The following MARK4 variants were observed in gnomAD, a reference collection of about 807,000 sequenced individuals.
MARK4 encodes the protein microtubule affinity regulating kinase 4, also known as MAP/microtubule affinity-regulating kinase 4.
A neutral mutation model predicts 81.5 loss-of-function variants in MARK4; 19 were observed. That is an observed-to-expected ratio of 0.23 (90% CI 0.16 to 0.34). The LOEUF (loss-of-function observed/expected upper bound fraction) is 0.34. Ranked by LOEUF, MARK4 falls within the 10% of genes least tolerant of loss-of-function variation. The probability of loss-of-function intolerance (pLI) is 1.00; values close to 1 mark genes in which losing one functional copy is unlikely to be tolerated. For synonymous variants in MARK4, 436 were observed against 439.0 expected, an observed-to-expected ratio of 0.99 and a Z score of 0.08; for missense variants, 772 against 1,058.8, an observed-to-expected ratio of 0.73 and a Z score of 3.76.
rs547873369 is a variant in MARK4, at chr19:45,271,186, G to A, written c.550-286G>A. 3.3e-5 allele frequency among the ~76,000 whole-genome samples: 5 copies of A among 152,314 alleles called. No homozygotes were observed. Among genetic ancestry groups the A allele is most frequent in the African/African-American group, 9.6e-5 (4 of 41,564 alleles). ...CTCCCAAAGTGCTGGTATTATAGGC[G>A]TGAGCCACTATGTCTGGCCTGTGCT... On this transcript the variant is annotated intron_variant, in intron 7 of 16. Coordinates refer to ENST00000262891, the MANE Select transcript of MARK4 (RefSeq NM_001199867.2). The surrounding 1 kb of genome is among the most constrained non-coding windows in gnomAD (Gnocchi z 4.1).
At chr19:45,283,306 G>A (rs1170876686) in intron 12 of MARK4, among the ~76,000 whole-genome samples, 1 of 150,220 alleles carries the variant, frequency 6.7e-6, no homozygotes, top group Non-Finnish European at 1.5e-5. Context: ...CTACTCAGGA[G>A]TCTGAGGCAG....
At chr19:45,299,060 T>G (rs1464306259) in intron 15 of MARK4, among the ~76,000 whole-genome samples, 1 of 89,558 alleles carries the variant, frequency 1.1e-5, no homozygotes. Context: ...GGAGAACCTG[T>G]CTCTAAAAAA....
At chr19:45,278,944 C>T (rs1031368220) in intron 10 of MARK4, among the ~76,000 whole-genome samples, 2 of 151,970 alleles carry the variant, frequency 1.3e-5, no homozygotes, top group African/African-American at 4.8e-5. Context: ...AGAGACCAGG[C>T]GAGGTGGTTC....
rs751813685 is a variant in MARK4, at chr19:45,278,637, C to T, written c.1006+22C>T. The T allele has an allele frequency of 8.9e-6, 14 of 1,576,900 alleles. No individual in the cohort carries two copies. The African/African-American group carries it at 1.6e-4, about 18-fold the overall frequency. Reference sequence around the variant, plus strand: ...ATTGGTGAGGGTCAGGGAGAGCCATCCTGTCACCCAGGATGGAGTGCAGTG... The same window carrying T: ...ATTGGTGAGGGTCAGGGAGAGCCATTCTGTCACCCAGGATGGAGTGCAGTG... On this transcript the variant is annotated intron_variant, in intron 10 of 16. Transcript: ENST00000262891.
At chr19:45,258,935 C>T (rs1204831267) in intron 1 of MARK4, 54 bp from the exon 2 acceptor site, 14 of 1,578,390 alleles carry the variant, frequency 8.9e-6, no homozygotes, top group African/African-American at 4.0e-5. Flanking sequence ...CACTAGCCCA[C>T]GGGTTCCACG....
chr19:45,278,662 G>C (rs770803189), intron 10 of MARK4, 47 bp downstream of exon 10: 7 of 1,431,612 alleles, frequency 4.9e-6, no homozygotes, highest in Non-Finnish European at 6.9e-6. Context: ...GGAGTGCAGT[G>C]GTGCAATCTC....
Position 45,263,179 on chromosome 19 carries a change from A to T in MARK4, c.306+13A>T. The T allele has an allele frequency of 1.2e-6, 2 of 1,610,394 alleles. No homozygotes were observed. Among genetic ancestry groups the T allele is most frequent in the Non-Finnish European group, 1.7e-6 (2 of 1,178,210 alleles). On this transcript the variant is annotated intron_variant, in intron 3 of 16. Coordinates refer to ENST00000262891, the MANE Select transcript of MARK4 (RefSeq NM_001199867.2). ...CAGCCTGCAGAAGGTGAGGCTGGGGAGACGGGGGAGAGCAGGAGCCAGGCT... is the reference window on the plus strand; with the variant it reads ...CAGCCTGCAGAAGGTGAGGCTGGGGTGACGGGGGAGAGCAGGAGCCAGGCT...
intron 15 of MARK4, 145 bp downstream of exon 15, chr19:45,298,099 T>C (rs775814200): frequency 6.8e-7 from 1 of 1,473,646 alleles, no homozygotes; most frequent in South Asian, 1.1e-5. Context: ...TCCTCCTCCT[T>C]TCCTCCTCCC....
intron 14 of MARK4, among the ~76,000 whole-genome samples, chr19:45,295,738 C>G (rs191917246): frequency 4.4e-4 from 67 of 152,212 alleles, no homozygotes; most frequent in African/African-American, 1.6e-3. Context: ...GGGATTGCGC[C>G]ACTGTACTCC....
chr19:45,277,812 T>G (rs1970618165), intron 8 of MARK4, 111 bp from the exon 9 acceptor site: 2 of 1,295,600 alleles, frequency 1.5e-6, no homozygotes, highest in African/African-American at 1.6e-5. Flanking sequence ...TCAAAGGGGT[T>G]GGGACAAAGG....
chr19:45,264,798 C>T (rs764254824), intron 5 of MARK4, 42 bp from the exon 6 acceptor site: 22 of 1,613,840 alleles, frequency 1.4e-5, no homozygotes, highest in Admixed American at 3.3e-5. Flanking sequence ...CTCCCCCTGC[C>T]GCTGCACCTG....
intron 16 of MARK4, among the ~76,000 whole-genome samples, chr19:45,301,123 A>C (rs893186137): frequency 6.6e-6 from 1 of 152,142 alleles, no homozygotes; most frequent in Non-Finnish European, 1.5e-5. Flanking sequence ...GTGACAATCA[A>C]AAAGCCCCCA....
At chr19:45,298,034 T>A (rs888175608) in intron 15 of MARK4, 80 bp downstream of exon 15, 55 of 1,551,024 alleles carry the variant, frequency 3.5e-5, no homozygotes, top group Non-Finnish European at 4.6e-5. Context: ...CTGCTCTGTC[T>A]CCTGTACCCC....
chr19:45,301,090 G>A (rs1463721442), intron 16 of MARK4, among the ~76,000 whole-genome samples: 2 of 152,144 alleles, frequency 1.3e-5, no homozygotes, highest in Non-Finnish European at 2.9e-5. Context: ...GTCAGTGCCA[G>A]CAGTGCTCCC....
At chr19:45,300,697 G>A (rs957596418) in intron 16 of MARK4, among the ~76,000 whole-genome samples, 3 of 152,158 alleles carry the variant, frequency 2.0e-5, no homozygotes, top group Non-Finnish European at 4.4e-5. Flanking sequence ...CCGGTTTAGA[G>A]ACCCAAGTGG....
intron 8 of MARK4, among the ~76,000 whole-genome samples, chr19:45,275,954 T>C (rs1391245255): frequency 1.3e-5 from 2 of 152,200 alleles, no homozygotes; most frequent in African/African-American, 2.4e-5. Flanking sequence ...AGCAGAGGAC[T>C]CTGTCCTAAA....
intron 7 of MARK4, among the ~76,000 whole-genome samples, chr19:45,269,842 GTTTA>G (rs1044599395): frequency 2.1e-4 from 32 of 152,170 alleles, no homozygotes; most frequent in Admixed American, 8.5e-4. Flanking sequence ...AATACAAAAC[GTTTA>G]TTTATTTATT....
chr19:45,255,030 A>G (rs905193449), intron 1 of MARK4, among the ~76,000 whole-genome samples: 7 of 152,244 alleles, frequency 4.6e-5, no homozygotes, highest in African/African-American at 1.7e-4. Flanking sequence ...GCAAGACTCC[A>G]TCTCTACAAA....
chr19:45,262,843 C>T, intron 2 of MARK4: 2 of 417,736 alleles, frequency 4.8e-6, no homozygotes, highest in Non-Finnish European at 4.5e-6. Flanking sequence ...TGGCTCACTG[C>T]AACCTCTGCC....
Sources: gnomAD v4.1 joint callset for allele counts (sites outside exome capture counted in the v4.1 genomes callset) on GRCh38, gnomAD v4.1.1 for gene constraint, Gnocchi (gnomAD v3.1) non-coding constraint, MANE v1.5 for transcripts, NCBI Gene and HGNC (gene_info 2026-07-23, HGNC 2026-07-21) for gene names.